Variants in VIPR1 observed in about 807,000 individuals in gnomAD.
The protein encoded by VIPR1 is vasoactive intestinal peptide receptor 1.
VIPR1 carries 59 observed loss-of-function variants against 58.8 expected under a neutral mutation model. The observed-to-expected ratio is 1.00, with a 90% CI of 0.81 to 1.25. VIPR1 has a LOEUF of 1.25. Among genes scored for constraint, VIPR1 ranks in the 50% most tolerant of loss-of-function variants. The pLI, the probability that VIPR1 is intolerant of heterozygous loss-of-function variation, is 0.00. For missense variants in VIPR1, 626 were observed against 602.7 expected, an observed-to-expected ratio of 1.04 and a Z score of -0.40; for synonymous variants, 251 against 242.1, an observed-to-expected ratio of 1.04 and a Z score of -0.34.
intron 10 of VIPR1, 111 bp downstream of exon 10, chr3:42,532,444 C>T (rs1433631958): frequency 1.7e-6 from 2 of 1,167,638 alleles, no homozygotes; most frequent in Non-Finnish European, 2.5e-6. Context: ...CACCAAAGAG[C>T]CACATTGTTC....
chr3:42,514,351 G>A (rs1700517254), intron 2 of VIPR1, among the ~76,000 whole-genome samples: 1 of 152,090 alleles, frequency 6.6e-6, no homozygotes, highest in Non-Finnish European at 1.5e-5. Flanking sequence ...GTCACAATAT[G>A]TGACCCCCAC....
intron 9 of VIPR1, 147 bp downstream of exon 9, chr3:42,532,016 C>A (rs945207067): frequency 4.1e-6 from 4 of 984,444 alleles, no homozygotes; most frequent in Non-Finnish European, 6.2e-6. Flanking sequence ...CCACCCCTGT[C>A]CTACCAGTTC....
chr3:42,536,658 A>G lies in VIPR1; in HGVS notation c.*377A>G. ...AAAGCAACCGGTGGATCCTCAAACA[A>G]CACTGGTGTGACCTGAGGGCAGAAA... is the stretch of plus-strand genomic sequence containing the variant. On this transcript the variant is annotated 3_prime_UTR_variant, in exon 13 of 13. Transcript: ENST00000325123. The G allele has an allele frequency of 5.4e-6, 1 of 184,860 alleles. No homozygotes were observed. The highest frequency in any genetic ancestry group is 1.1e-5 in the Non-Finnish European group (1 of 90,330). The allele number at this position is 184,860 out of a possible 1,614,324, so 11.5% of individuals were successfully genotyped here. A position where few individuals can be genotyped will look rare whatever the true frequency, so the allele number is the denominator to read the frequency against.
chr3:42,505,980 T>C (rs1045346520), intron 1 of VIPR1, among the ~76,000 whole-genome samples: 2 of 152,170 alleles, frequency 1.3e-5, no homozygotes, highest in African/African-American at 4.8e-5. Context: ...CTGTGAGCTT[T>C]GAAGGAGGTA....
rs1302631643 is a variant in VIPR1, at chr3:42,537,148, C to G, written c.*867C>G. The G allele has an allele frequency of 6.6e-6, 1 of 152,270 alleles. No individual in the cohort carries two copies. 9.4% of individuals were successfully genotyped at this position (152,270 alleles called of 1,614,324 possible). ...AGAGCTGCCCTCCTTGTCCACCCAC[C>G]TATGTGCCAACTGTTGTAACTAGGC... On this transcript the variant is annotated 3_prime_UTR_variant, in exon 13 of 13. Transcript: ENST00000325123.
At chr3:42,499,533 T>A (rs1384245301), upstream of VIPR1, among the ~76,000 whole-genome samples, 1 of 152,122 alleles carries the variant, frequency 6.6e-6, no homozygotes, top group Non-Finnish European at 1.5e-5. Flanking sequence ...TGCTAGAGAC[T>A]AGGGACAGGT....
chr3:42,519,584 G>T, intron 3 of VIPR1: 3 of 384,208 alleles, frequency 7.8e-6, no homozygotes, highest in East Asian at 4.7e-5. Context: ...TTGACTGACA[G>T]GTACTTGATT....
In VIPR1 at chr3:42,528,124, G is replaced by A. The variant is rs557830177; in HGVS notation, c.636+1G>A. 1 of 1,613,060 alleles carries A rather than the reference G, an allele frequency of 6.2e-7. No individual in the cohort carries two copies. The highest frequency in any genetic ancestry group is 8.5e-7 in the Non-Finnish European group (1 of 1,179,680). ...GTCGGACCAGTGCTCCGAGGGCTCG[G>A]TGAGGATCCTGGCCCTGGCCCACCT... is the stretch of plus-strand genomic sequence containing the variant. On this transcript the variant is annotated splice_donor_variant, in intron 6 of 12. Transcript: ENST00000325123. LOFTEE classifies it high-confidence loss of function.
At chr3:42,515,159 G>C (rs759117912) in intron 2 of VIPR1, among the ~76,000 whole-genome samples, 17 of 152,312 alleles carry the variant, frequency 1.1e-4, no homozygotes, top group Admixed American at 2.6e-4. Context: ...CGTCTTCCTG[G>C]CTCCCTAGTT....
chr3:42,503,101 G>A (rs1271713792), intron 1 of VIPR1, among the ~76,000 whole-genome samples: 2 of 152,174 alleles, frequency 1.3e-5, no homozygotes, highest in African/African-American at 4.8e-5. Flanking sequence ...CCTTGTCGTG[G>A]TTGTGGGTGC....
At chr3:42,517,301 C>G (rs1390874580) in intron 2 of VIPR1, among the ~76,000 whole-genome samples, 1 of 152,242 alleles carries the variant, frequency 6.6e-6, no homozygotes, top group East Asian at 1.9e-4. Context: ...ACTTGTGAAC[C>G]TTCGGACCTG....
At chr3:42,493,178 G>C (rs566949391) in intron 1 of VIPR1, among the ~76,000 whole-genome samples, 8 of 152,336 alleles carry the variant, frequency 5.3e-5, no homozygotes, top group African/African-American at 1.9e-4. Context: ...GGAGGGAGAC[G>C]GGTGGCTTCT....
At chr3:42,494,342 G>A (rs189023989) in intron 1 of VIPR1, among the ~76,000 whole-genome samples, 29 of 152,052 alleles carry the variant, frequency 1.9e-4, no homozygotes, top group African/African-American at 6.0e-4. Context: ...ATGATACCTC[G>A]TAGAATATGT....
At chr3:42,513,036 C>T (rs897104191) in intron 1 of VIPR1, 12 of 905,774 alleles carry the variant, frequency 1.3e-5, no homozygotes, top group Non-Finnish European at 1.6e-5. Context: ...TTGGACTTTT[C>T]CATCCCTTCT....
intron 4 of VIPR1, among the ~76,000 whole-genome samples, chr3:42,526,535 C>T (rs1701241164): frequency 6.6e-6 from 1 of 152,244 alleles, no homozygotes; most frequent in Non-Finnish European, 1.5e-5. Context: ...GAGCCCCTCA[C>T]TGCTTTGGGG....
chr3:42,502,024 A>G (rs1699886726), upstream of VIPR1: 1 of 152,290 alleles, frequency 6.6e-6, no homozygotes, highest in Non-Finnish European at 1.5e-5. Context: ...AGGAACCCAG[A>G]GTCGGGCCTC....
intron 3 of VIPR1, among the ~76,000 whole-genome samples, chr3:42,523,077 T>C (rs1363785673): frequency 1.4e-5 from 2 of 143,658 alleles, no homozygotes; most frequent in African/African-American, 5.6e-5. Flanking sequence ...CACTGTTGCA[T>C]GCCCTGACCC....
At chr3:42,532,620 C>A (rs749424818) in intron 10 of VIPR1, 4 of 530,690 alleles carry the variant, frequency 7.5e-6, no homozygotes, top group Non-Finnish European at 1.4e-5. Context: ...AAGAGGACAC[C>A]GATGACCTGT....
chr3:42,494,414 G>A (rs1276215909), intron 1 of VIPR1, among the ~76,000 whole-genome samples: 1 of 152,084 alleles, frequency 6.6e-6, no homozygotes, highest in Admixed American at 6.5e-5. Context: ...AGTTATCTGT[G>A]CCTTAAAGGT....
Sources: gnomAD v4.1 joint callset for allele counts (sites outside exome capture counted in the v4.1 genomes callset) on GRCh38, gnomAD v4.1.1 for gene constraint, MANE v1.5 for transcripts, NCBI Gene and HGNC (gene_info 2026-07-23, HGNC 2026-07-21) for gene names.